EIF2AK1: variants seen among roughly 807,000 people sequenced by gnomAD.
EIF2AK1 encodes the protein eukaryotic translation initiation factor 2-alpha kinase 1.
EIF2AK1 carries 54 observed loss-of-function variants against 77.9 expected under a neutral mutation model. That is an observed-to-expected ratio of 0.69 (90% CI 0.56 to 0.87). The LOEUF (loss-of-function observed/expected upper bound fraction) is 0.87, where lower values mean the gene tolerates loss of function less well. Among genes scored for constraint, EIF2AK1 ranks in the 40% least tolerant of loss-of-function variants. The pLI is 0.00. For missense variants in EIF2AK1, 810 were observed against 768.6 expected (o/e 1.05, Z -0.64); for synonymous variants, 314 against 290.5 (o/e 1.08, Z -0.82).
Position 6,036,571 on chromosome 7 carries a change from T to G in EIF2AK1, c.1332+853A>C, listed in dbSNP as rs201963678. 2.6e-4 allele frequency among the ~76,000 whole-genome samples: 40 copies of G among 151,896 alleles called. No homozygotes were observed. The East Asian group carries it at 7.5e-3, about 29-fold the overall frequency. On this transcript the variant is annotated intron_variant, in intron 11 of 14. Coordinates refer to ENST00000199389, the MANE Select transcript of EIF2AK1 (RefSeq NM_014413.4). The surrounding 1 kb of genome is among the most constrained non-coding windows in gnomAD (Gnocchi z 4.6). The stretch of plus-strand genomic sequence containing the variant: ...CTATTAACATTTTTGTTCCTAGGTT[T>G]TTTTTTTTTTCATGCCCTTTCCATG...
chr7:6,023,001 G>A lies in EIF2AK1; in HGVS notation c.*1672C>T. 3.4e-6 allele frequency: 1 copy of A among 293,004 alleles called. No individual in the cohort carries two copies. The allele number at this position is 293,004 out of a possible 1,614,324, so 18.2% of individuals were successfully genotyped here. Reference sequence around the variant, plus strand: ...GCAGCTCCTGGGTTTCCAGCCCTCAGCCCCCAAAACCTTAGGCAGCAGGGA... The same window carrying A: ...GCAGCTCCTGGGTTTCCAGCCCTCAACCCCCAAAACCTTAGGCAGCAGGGA... On this transcript the variant is annotated 3_prime_UTR_variant, in exon 15 of 15. Coordinates refer to ENST00000199389, the MANE Select transcript of EIF2AK1 (RefSeq NM_014413.4).
intron 1 of EIF2AK1, among the ~76,000 whole-genome samples, chr7:6,055,594 C>T (rs1191610953): frequency 1.3e-5 from 2 of 151,104 alleles, no homozygotes; most frequent in Admixed American, 1.3e-4. Context: ...CTGTATGAGA[C>T]CATGCAGACA....
chr7:6,036,454 T>G lies in EIF2AK1; in HGVS notation c.1332+970A>C. On this transcript the variant is annotated intron_variant, in intron 11 of 14. Transcript: ENST00000199389. This position sits in a 1 kb window ranked among gnomAD's most constrained non-coding sequence, Gnocchi z 4.6. ...TCAAACTGCATTTTCTGGCTAGACA[T>G]GTCCCAGAAAATGCTTCACCTATCA... is the stretch of plus-strand genomic sequence containing the variant. 1 of 1,198,838 alleles carries G rather than the reference T, an allele frequency of 8.3e-7. No individual in the cohort carries two copies. The highest frequency in any genetic ancestry group is 1.1e-6 in the Non-Finnish European group (1 of 895,176). 74.3% of individuals were successfully genotyped at this position (1,198,838 alleles called of 1,614,324 possible).
In EIF2AK1 at chr7:6,033,097, T is replaced by C. The variant is rs1787964700; in HGVS notation, c.1333-4065A>G. On this transcript the variant is annotated intron_variant, in intron 11 of 14. Transcript: ENST00000199389. This position sits in a 1 kb window ranked among gnomAD's most constrained non-coding sequence, Gnocchi z 4.4. ...GCTTCTCCCACCTCAGCCTCCCGAGTAGCTGGGATTACAGGTGTGCGTCAC... is the reference window on the plus strand; with the variant it reads ...GCTTCTCCCACCTCAGCCTCCCGAGCAGCTGGGATTACAGGTGTGCGTCAC... Among the ~76,000 whole-genome samples the C allele has an allele frequency of 6.6e-6, 1 of 152,048 alleles. No individual in the cohort carries two copies. The highest frequency in any genetic ancestry group is 1.5e-5 in the Non-Finnish European group (1 of 68,006).
intron 1 of EIF2AK1, among the ~76,000 whole-genome samples, chr7:6,058,500 T>C (rs752275341): frequency 5.3e-5 from 8 of 152,198 alleles, no homozygotes; most frequent in Non-Finnish European, 1.2e-4. Context: ...TTAGTTCTCC[T>C]TCCAATGAAG....
rs1231608740 is a variant in EIF2AK1, at chr7:6,033,450, T to G, written c.1332+3974A>C. 1.3e-5 allele frequency among the ~76,000 whole-genome samples: 2 copies of G among 152,194 alleles called. No homozygotes were observed. Among genetic ancestry groups the G allele is most frequent in the Non-Finnish European group, 2.9e-5 (2 of 68,032 alleles). On this transcript the variant is annotated intron_variant, in intron 11 of 14. Coordinates refer to ENST00000199389, the MANE Select transcript of EIF2AK1 (RefSeq NM_014413.4). The surrounding 1 kb of genome is among the most constrained non-coding windows in gnomAD (Gnocchi z 4.4). The stretch of plus-strand genomic sequence containing the variant: ...CAACATCATAAATATTTTGCCAAAT[T>G]AATGCACATTCTGAGGATTAAGAGC...
At chr7:6,043,090 C>A in intron 7 of EIF2AK1, 97 bp from the exon 8 acceptor site, 1 of 1,203,834 alleles carries the variant, frequency 8.3e-7, no homozygotes, top group Admixed American at 2.1e-5. Context: ...TCAAATGAGA[C>A]TACAAGTCTA....
chr7:6,058,841 G>T, intron 1 of EIF2AK1, 125 bp downstream of exon 1: 2 of 811,190 alleles, frequency 2.5e-6, no homozygotes, highest in African/African-American at 1.8e-5. Context: ...CTGGGCCGCC[G>T]GTTCAACCCT....
rs774515474 is a variant in EIF2AK1 at position 6,022,544 on chromosome 7, C to T, written c.*2129G>A. ...AGGACATTCTGTGGCATACTGGCCACATAGCGATTTGCATCAGGTCAGATA... is the reference window on the plus strand; with the variant it reads ...AGGACATTCTGTGGCATACTGGCCATATAGCGATTTGCATCAGGTCAGATA... On this transcript the variant is annotated 3_prime_UTR_variant, in exon 15 of 15. Transcript: ENST00000199389. 6.6e-6 allele frequency: 1 copy of T among 152,248 alleles called. No individual in the cohort carries two copies. Among genetic ancestry groups the T allele is most frequent in the Non-Finnish European group, 1.5e-5 (1 of 68,072 alleles). The allele number at this position is 152,248 out of a possible 1,614,324, so 9.4% of individuals were successfully genotyped here. A position where few individuals can be genotyped will look rare whatever the true frequency, so the allele number is the denominator to read the frequency against.
At chr7:6,052,171 C>CAA (rs397779941) in intron 2 of EIF2AK1, among the ~76,000 whole-genome samples, 10 of 90,698 alleles carry the variant, frequency 1.1e-4, no homozygotes, top group South Asian at 3.6e-4. Context: ...GACTCCTTAT[C>CAA]AAAAAAAAAA....
At chr7:6,028,052 G>C (rs1187244732) in intron 13 of EIF2AK1, 1 of 382,500 alleles carries the variant, frequency 2.6e-6, no homozygotes, top group East Asian at 7.9e-5. Context: ...AACAGAGCAA[G>C]ACCCTGTCTC....
At position 6,035,903 on chromosome 7, in the gene EIF2AK1, C is replaced by A; in HGVS notation, c.1332+1521G>T. On this transcript the variant is annotated intron_variant, in intron 11 of 14. Coordinates refer to ENST00000199389, the MANE Select transcript of EIF2AK1 (RefSeq NM_014413.4). This position sits in a 1 kb window ranked among gnomAD's most constrained non-coding sequence, Gnocchi z 5.5. Reference sequence around the variant, plus strand: ...CAGGCCGACTCCTCGGGGCGGGGGTCAGCTGCATCCGTCTGCTACTCACTC... The same window carrying A: ...CAGGCCGACTCCTCGGGGCGGGGGTAAGCTGCATCCGTCTGCTACTCACTC... 6.5e-7 allele frequency: 1 copy of A among 1,546,716 alleles called. No individual in the cohort carries two copies. Among genetic ancestry groups the A allele is most frequent in the Non-Finnish European group, 8.7e-7 (1 of 1,144,538 alleles).
intron 1 of EIF2AK1, among the ~76,000 whole-genome samples, chr7:6,055,728 C>T (rs1055203963): frequency 6.6e-6 from 1 of 151,026 alleles, no homozygotes; most frequent in African/African-American, 2.4e-5. Flanking sequence ...TGCCTGTAAT[C>T]CCAGCACTTT....
Position 6,028,956 on chromosome 7 carries a change from A to T in EIF2AK1, c.1409T>A (p.Leu470Gln). The change falls in exon 12 of 15, where the codon CTA becomes CAA. Residue 470 changes from leucine (L) to glutamine (Q), a missense_variant. Leu to Gln is a moderately radical substitution (Grantham distance 113). This residue lies in a region of EIF2AK1 where 549 missense variants were observed against 533.7 expected (regional missense o/e 1.03). Transcript: ENST00000199389. ...GDFGLACTDI[L>Q]QKNTDWTNRN... is the part of the protein sequence containing the mutation. The stretch of plus-strand genomic sequence containing the variant: ...GTTGGTCCAGTCTGTGTTCTTCTGT[A>T]GGATGTCTGTGCAGGCCAGACCAAA... The T allele has an allele frequency of 6.2e-7, 1 of 1,610,788 alleles. No individual in the cohort carries two copies. The highest frequency in any genetic ancestry group is 8.5e-7 in the Non-Finnish European group (1 of 1,179,326).
At position 6,050,010 on chromosome 7, in the gene EIF2AK1, A is replaced by C; in HGVS notation, c.313T>G (p.Ser105Ala). 3 of 1,612,476 alleles carry C rather than the reference A, an allele frequency of 1.9e-6. No individual in the cohort carries two copies. Among genetic ancestry groups the C allele is most frequent in the Non-Finnish European group, 2.5e-6 (3 of 1,179,406 alleles). ...AACTCGTCACTACAAGTGAAAGAAG[A>C]CAGCAGCCCCATTTTGATAAACGTC... ...CQTFIKMGLL[S>A]SFTCSDEFSS... Residue 105 changes from serine to alanine, a missense_variant, in exon 3 of 15, where the codon TCT (serine) becomes GCT (alanine). By Grantham distance (99) the Ser-to-Ala change is moderately conservative. Around this residue, in one of 3 missense-constraint regions of EIF2AK1, gnomAD observed 246 missense variants for 199.0 expected, o/e 1.24. Coordinates refer to ENST00000199389, the MANE Select transcript of EIF2AK1 (RefSeq NM_014413.4).
chr7:6,044,477 G>A (rs1425124949), intron 7 of EIF2AK1, 85 bp downstream of exon 7: 4 of 1,085,198 alleles, frequency 3.7e-6, no homozygotes, highest in African/African-American at 3.1e-5. Context: ...CTTGTGGTAT[G>A]TACAAAAACA....
intron 9 of EIF2AK1, among the ~76,000 whole-genome samples, chr7:6,040,243 C>A (rs7777896): frequency 0.67 from 101,343 of 151,768 alleles, 34,144 homozygotes; most frequent in East Asian, 0.85. Flanking sequence ...AGTAGAGACG[C>A]GCTTTCACCA....
At chr7:6,026,417 C>T (rs1216802038) in intron 14 of EIF2AK1, 11 of 488,790 alleles carry the variant, frequency 2.3e-5, no homozygotes, top group African/African-American at 1.4e-4. Context: ...ACCCACCAGG[C>T]CCCAGGAAGT....
At chr7:6,031,603 T>A in intron 11 of EIF2AK1, 21 of 1,550,262 alleles carry the variant, frequency 1.4e-5, no homozygotes, top group Non-Finnish European at 1.8e-5. Flanking sequence ...TACCCTCTTT[T>A]CTGCTCAGTC....
Sources: gnomAD v4.1 joint callset for allele counts (sites outside exome capture counted in the v4.1 genomes callset) on GRCh38, gnomAD v4.1.1 for gene constraint, gnomAD v4.1.1 regional missense constraint, Gnocchi (gnomAD v3.1) non-coding constraint, MANE v1.5 for transcripts, NCBI Gene and HGNC (gene_info 2026-07-23, HGNC 2026-07-21) for gene names.